IMMP2L: variants seen among roughly 807,000 people sequenced by gnomAD.
The protein encoded by IMMP2L is mitochondrial inner membrane protease subunit 2.
Under a neutral mutation model 19.3 loss-of-function variants are expected in IMMP2L, and 18 were observed. That is an observed-to-expected ratio of 0.93 (90% CI 0.64 to 1.38). The LOEUF (loss-of-function observed/expected upper bound fraction) is 1.38, where lower values mean the gene tolerates loss of function less well. Ranked by LOEUF, IMMP2L falls within the 40% of genes most tolerant of loss-of-function variation. IMMP2L has a pLI of 0.00. For missense variants in IMMP2L, 233 were observed against 218.2 expected (o/e 1.07, Z -0.43); for synonymous variants, 76 against 73.0 (o/e 1.04, Z -0.21).
chr7:111,447,560 C>A (rs1198559330), intron 3 of IMMP2L, among the ~76,000 whole-genome samples: 1 of 148,408 alleles, frequency 6.7e-6, no homozygotes, highest in Non-Finnish European at 1.5e-5. Flanking sequence ...GAAGGAAGCG[C>A]TAAACATGGA....
intron 3 of IMMP2L, among the ~76,000 whole-genome samples, chr7:111,090,278 G>C (rs1393427822): frequency 1.3e-5 from 2 of 151,758 alleles, no homozygotes; most frequent in Non-Finnish European, 2.9e-5. Flanking sequence ...TATTTTCCTG[G>C]GAAATATCCT....
intron 3 of IMMP2L, among the ~76,000 whole-genome samples, chr7:111,316,500 A>C (rs1426941330): frequency 6.6e-6 from 1 of 152,152 alleles, no homozygotes; most frequent in African/African-American, 2.4e-5. Flanking sequence ...GCCATGAATA[A>C]ATTAATCCAG....
chr7:110,893,313 A>C (rs1810994184), intron 4 of IMMP2L, among the ~76,000 whole-genome samples: 1 of 152,190 alleles, frequency 6.6e-6, no homozygotes, highest in Admixed American at 6.5e-5. Context: ...ATTTATAAAA[A>C]ATTTAATATC....
intron 3 of IMMP2L, among the ~76,000 whole-genome samples, chr7:111,049,369 G>A (rs1187058528): frequency 7.9e-5 from 12 of 151,934 alleles, no homozygotes. Flanking sequence ...CTGACCTCGT[G>A]ATCCACCCGT....
chr7:110,941,515 T>C (rs1209718812), intron 4 of IMMP2L, among the ~76,000 whole-genome samples: 1 of 152,162 alleles, frequency 6.6e-6, no homozygotes, highest in African/African-American at 2.4e-5. Flanking sequence ...TTTAAGCATA[T>C]AGTCAATGTT....
chr7:110,811,862 G>A (rs564415967), intron 5 of IMMP2L, among the ~76,000 whole-genome samples: 1 of 152,084 alleles, frequency 6.6e-6, no homozygotes, highest in South Asian at 2.1e-4. Context: ...TCTGGCTTAA[G>A]AGGGGCCCAC....
chr7:111,412,079 A>C (rs1834485798), intron 3 of IMMP2L, among the ~76,000 whole-genome samples: 1 of 151,830 alleles, frequency 6.6e-6, no homozygotes, highest in Non-Finnish European at 1.5e-5. Flanking sequence ...GTGGAGGACA[A>C]ATGCAGGAGT....
chr7:110,894,675 GT>G (rs1252697476), intron 4 of IMMP2L, among the ~76,000 whole-genome samples: 2 of 151,972 alleles, frequency 1.3e-5, no homozygotes, highest in South Asian at 2.1e-4. Context: ...ATTTTTAACA[GT>G]TTTTTTCTAC....
At chr7:111,030,788 ATATGTG>A (rs1008019650) in intron 3 of IMMP2L, among the ~76,000 whole-genome samples, 2 of 69,582 alleles carry the variant, frequency 2.9e-5, no homozygotes, top group Admixed American at 1.3e-4. Flanking sequence ...AAAAGTATAT[ATATGTG>A]TATGTGTGTA....
chr7:111,414,254 C>G (rs1834746786), intron 3 of IMMP2L, among the ~76,000 whole-genome samples: 1 of 151,818 alleles, frequency 6.6e-6, no homozygotes, highest in South Asian at 2.1e-4. Flanking sequence ...GGCAATTTCC[C>G]AGCAAGTCTC....
chr7:110,735,846 CAAAAAAAAAAAA>C (rs59078426), intron 5 of IMMP2L, among the ~76,000 whole-genome samples: 3 of 47,628 alleles, frequency 6.3e-5, no homozygotes, highest in African/African-American at 2.4e-4. Flanking sequence ...CACTCTGCCT[CAAAAAAAAAAAA>C]AAAAAAAAAA....
At chr7:111,260,934 C>T (rs1360916787) in intron 3 of IMMP2L, among the ~76,000 whole-genome samples, 4 of 151,636 alleles carry the variant, frequency 2.6e-5, no homozygotes, top group East Asian at 1.9e-4. Context: ...TTGATTACAG[C>T]GTAAATACAT....
chr7:111,198,799 T>TAG (rs375736456), intron 3 of IMMP2L, among the ~76,000 whole-genome samples: 9 of 152,300 alleles, frequency 5.9e-5, no homozygotes, highest in African/African-American at 2.2e-4. Context: ...TATCTGGCCT[T>TAG]AGAGTTATAA....
intron 5 of IMMP2L, among the ~76,000 whole-genome samples, chr7:110,766,038 CAT>C (rs1454792410): frequency 2.0e-5 from 3 of 152,122 alleles, no homozygotes; most frequent in African/African-American, 7.2e-5. Flanking sequence ...AATTCCGTAT[CAT>C]GTGGCTATAA....
intron 4 of IMMP2L, among the ~76,000 whole-genome samples, chr7:110,893,267 T>C (rs1585166112): frequency 6.6e-6 from 1 of 152,232 alleles, no homozygotes; most frequent in South Asian, 2.1e-4. Flanking sequence ...ATGGTGCCAA[T>C]TGACTTCCTG....
chr7:110,933,240 G>T (rs577025107), intron 4 of IMMP2L, among the ~76,000 whole-genome samples: 1 of 152,276 alleles, frequency 6.6e-6, no homozygotes, highest in South Asian at 2.1e-4. Context: ...ATACTGGAGG[G>T]GGGTAATGAG....
At chr7:110,676,336 G>A (rs138964244) in intron 5 of IMMP2L, among the ~76,000 whole-genome samples, 79 of 152,338 alleles carry the variant, frequency 5.2e-4, no homozygotes, top group African/African-American at 1.7e-3. Context: ...ATATGTTAGC[G>A]AATATAACAT....
At chr7:111,177,034 A>T (rs1357269459) in intron 3 of IMMP2L, among the ~76,000 whole-genome samples, 1 of 152,020 alleles carries the variant, frequency 6.6e-6, no homozygotes, top group Admixed American at 6.6e-5. Flanking sequence ...AATGTTGATG[A>T]AAAAAAAGAT....
intron 3 of IMMP2L, among the ~76,000 whole-genome samples, chr7:111,434,254 T>C (rs1261147791): frequency 6.6e-6 from 1 of 151,738 alleles, no homozygotes; most frequent in Non-Finnish European, 1.5e-5. Context: ...TGCAGAAGAA[T>C]GAAAGTGGAC....
Sources: allele counts gnomAD v4.1 joint callset (sites outside exome capture counted in the v4.1 genomes callset), GRCh38; gene constraint gnomAD v4.1.1; transcripts MANE v1.5; gene names NCBI Gene and HGNC (gene_info 2026-07-23, HGNC 2026-07-21).